Variants in DCC observed in about 807,000 individuals in gnomAD.
The protein encoded by DCC is netrin receptor DCC.
Under a neutral mutation model 172.5 loss-of-function variants are expected in DCC, and 58 were observed. The observed-to-expected ratio is 0.34, with a 90% CI of 0.27 to 0.42. The LOEUF is 0.42. Among genes scored for constraint, DCC ranks in the 10% least tolerant of loss-of-function variants. The probability of loss-of-function intolerance (pLI) is 1.00; values close to 1 mark genes in which losing one functional copy is unlikely to be tolerated. For missense variants in DCC, 1,740 were observed against 1,791.0 expected (o/e 0.97, Z 0.51); for synonymous variants, 709 against 644.5 (o/e 1.10, Z -1.52).
intron 3 of DCC, among the ~76,000 whole-genome samples, chr18:52,907,538 T>G (rs2039907694): frequency 6.6e-6 from 1 of 152,044 alleles, no homozygotes; most frequent in Admixed American, 6.6e-5. Flanking sequence ...CACCTCAGCC[T>G]CAGTAGCTGG....
chr18:52,876,677 G>A (rs116325634), intron 2 of DCC, among the ~76,000 whole-genome samples: 2,303 of 152,246 alleles, frequency 0.015, 43 homozygotes, highest in African/African-American at 0.039. Flanking sequence ...TACTTATGAA[G>A]CCCATAAATA....
At chr18:52,353,191 T>C (rs539081512) in intron 1 of DCC, among the ~76,000 whole-genome samples, 31 of 152,334 alleles carry the variant, frequency 2.0e-4, no homozygotes, top group African/African-American at 7.0e-4. Context: ...ATGGAGACCA[T>C]GACACGTTTC....
Position 53,170,482 on chromosome 18 carries a change from T to G in DCC, c.1419-8480T>G, listed in dbSNP as rs77350000. Among the ~76,000 whole-genome samples, 1,502 of 152,344 alleles carry G rather than the reference T, an allele frequency of 9.9e-3. 52 individuals are homozygous for G. Among genetic ancestry groups the G allele is most frequent in the East Asian group, 0.061 (317 of 5,176 alleles). On this transcript the variant is annotated intron_variant, in intron 8 of 28. Coordinates refer to ENST00000442544, the MANE Select transcript of DCC (RefSeq NM_005215.4). Reference sequence around the variant, plus strand: ...TGTCAGGGAAACCTATCTATGTAGCTTTTTTCTATGTGATTATATCTCTCA... The same window carrying G: ...TGTCAGGGAAACCTATCTATGTAGCGTTTTTCTATGTGATTATATCTCTCA...
chr18:53,337,689 ACTTTAGAATCTTTTGAAAAG>A (rs1425372467), intron 14 of DCC, among the ~76,000 whole-genome samples: 2 of 152,240 alleles, frequency 1.3e-5, no homozygotes, highest in Admixed American at 1.3e-4. Context: ...CGATGTGGCA[ACTTTAGAATCTTTTGAAAAG>A]CTTTAGAATC....
intron 5 of DCC, among the ~76,000 whole-genome samples, chr18:53,031,939 C>T (rs2042031449): frequency 7.9e-5 from 12 of 151,946 alleles, no homozygotes; most frequent in Admixed American, 7.9e-4. Flanking sequence ...CAAAAAGGGG[C>T]ATTTTGATGT....
chr18:52,390,057 G>C (rs1047745234), intron 1 of DCC, among the ~76,000 whole-genome samples: 1 of 151,908 alleles, frequency 6.6e-6, no homozygotes, highest in African/African-American at 2.4e-5. Context: ...GATTTGGGGA[G>C]AGGATGTTTC....
At chr18:52,765,200 A>T (rs67587315) in intron 2 of DCC, among the ~76,000 whole-genome samples, 86,317 of 137,682 alleles carry the variant, frequency 0.63, 29,260 homozygotes, top group East Asian at 0.87. Flanking sequence ...CTCCTGGCTA[A>T]TTTTTTTTTT....
chr18:52,581,372 G>T (rs965818161), intron 1 of DCC, among the ~76,000 whole-genome samples: 7 of 152,124 alleles, frequency 4.6e-5, no homozygotes, highest in Non-Finnish European at 7.4e-5. Flanking sequence ...ATATTGCTGG[G>T]AAGATTAGAT....
At chr18:52,658,236 G>T (rs2144940997) in intron 1 of DCC, among the ~76,000 whole-genome samples, 1 of 152,250 alleles carries the variant, frequency 6.6e-6, no homozygotes, top group Admixed American at 6.5e-5. Flanking sequence ...TATATGTTCA[G>T]CCAACTGCAA....
At chr18:53,418,251 A>G (rs542527106) in intron 21 of DCC, among the ~76,000 whole-genome samples, 1 of 152,322 alleles carries the variant, frequency 6.6e-6, no homozygotes, top group Non-Finnish European at 1.5e-5. Context: ...TATAAATAAT[A>G]TCTTCAAATT....
chr18:53,226,948 A>ATATATATATTTTTT, intron 12 of DCC, among the ~76,000 whole-genome samples: 10 of 52,954 alleles, frequency 1.9e-4, no homozygotes, highest in African/African-American at 2.8e-4. Flanking sequence ...ATATATATAT[A>ATATATATATTTTTT]TTTTTTTTTT....
At chr18:52,450,314 T>C (rs1216906607) in intron 1 of DCC, among the ~76,000 whole-genome samples, 3 of 152,178 alleles carry the variant, frequency 2.0e-5, no homozygotes, top group Non-Finnish European at 4.4e-5. Flanking sequence ...ATTAATAATT[T>C]AGTTGGGTGG....
At chr18:52,865,064 A>G (rs532410637) in intron 2 of DCC, among the ~76,000 whole-genome samples, 1 of 151,886 alleles carries the variant, frequency 6.6e-6, no homozygotes, top group East Asian at 1.9e-4. Flanking sequence ...ATGGGGTTTC[A>G]TTGTGTTTGC....
chr18:52,524,296 T>C (rs1243684495), intron 1 of DCC, among the ~76,000 whole-genome samples: 1 of 152,246 alleles, frequency 6.6e-6, no homozygotes, highest in Non-Finnish European at 1.5e-5. Flanking sequence ...CATTGGTTTG[T>C]AAATAAACCT....
chr18:52,675,708 T>A (rs1246961043), intron 1 of DCC, among the ~76,000 whole-genome samples: 24 of 152,220 alleles, frequency 1.6e-4, no homozygotes, highest in Non-Finnish European at 2.9e-5. Context: ...AAGCAGGAGA[T>A]CCTACTTTTG....
intron 1 of DCC, among the ~76,000 whole-genome samples, chr18:52,684,992 A>AT (rs1033108063): frequency 1.6e-4 from 24 of 151,918 alleles, no homozygotes; most frequent in Admixed American, 6.6e-4. Flanking sequence ...TCCAATTCCT[A>AT]TTTTTTTTAC....
chr18:53,130,519 T>C (rs2144317393), intron 7 of DCC, among the ~76,000 whole-genome samples: 1 of 152,270 alleles, frequency 6.6e-6, no homozygotes, highest in East Asian at 1.9e-4. Flanking sequence ...TAAGGTTAAG[T>C]TCTCCCCATG....
chr18:52,431,392 G>A (rs1010862416), intron 1 of DCC, among the ~76,000 whole-genome samples: 1 of 152,062 alleles, frequency 6.6e-6, no homozygotes. Context: ...ACATTCCTTG[G>A]GGGTGTAATA....
At chr18:52,514,963 C>A (rs948188261) in intron 1 of DCC, among the ~76,000 whole-genome samples, 2 of 152,168 alleles carry the variant, frequency 1.3e-5, no homozygotes, top group African/African-American at 4.8e-5. Flanking sequence ...CCAACTCATC[C>A]TATGAGGCTA....
Sources: allele counts gnomAD v4.1 joint callset (sites outside exome capture counted in the v4.1 genomes callset), GRCh38; gene constraint gnomAD v4.1.1; transcripts MANE v1.5; gene names NCBI Gene and HGNC (gene_info 2026-07-23, HGNC 2026-07-21).